ODAD2: variants seen among roughly 807,000 people sequenced by gnomAD.
The protein encoded by ODAD2 is outer dynein arm-docking complex subunit 2.
In ODAD2, 89 loss-of-function variants were observed where a neutral mutation model predicts 106.8. That is an observed-to-expected ratio of 0.83 (90% CI 0.70 to 0.99). The LOEUF is 0.99. ODAD2 is among the 50% of genes least tolerant of loss of function. The probability of loss-of-function intolerance (pLI) is 0.00; values close to 1 mark genes in which losing one functional copy is unlikely to be tolerated. For missense variants in ODAD2, 1,168 were observed against 1,238.5 expected (o/e 0.94, Z 0.85); for synonymous variants, 404 against 436.2 (o/e 0.93, Z 0.92).
chr10:27,886,615 A>G (rs1377211987), intron 17 of ODAD2, among the ~76,000 whole-genome samples: 2 of 152,106 alleles, frequency 1.3e-5, no homozygotes, highest in Non-Finnish European at 2.9e-5. Flanking sequence ...AAATAAAAAT[A>G]ACAGTATTAC....
intron 2 of ODAD2, among the ~76,000 whole-genome samples, chr10:27,992,068 C>A (rs1850267706): frequency 6.6e-6 from 1 of 152,094 alleles, no homozygotes. Context: ...GGGGAGTAGA[C>A]CAAGGGGCAC....
intron 12 of ODAD2, among the ~76,000 whole-genome samples, chr10:27,942,890 C>T (rs1846558683): frequency 6.6e-6 from 1 of 152,182 alleles, no homozygotes; most frequent in Non-Finnish European, 1.5e-5. Context: ...ATTTATAGTG[C>T]TTTACAGATG....
chr10:27,912,317 A>T (rs1302719914), intron 16 of ODAD2, among the ~76,000 whole-genome samples: 4 of 152,172 alleles, frequency 2.6e-5, no homozygotes, highest in Non-Finnish European at 5.9e-5. Context: ...TGCTTTCAAG[A>T]TCTTCAGTTT....
intron 19 of ODAD2, among the ~76,000 whole-genome samples, chr10:27,842,147 C>T (rs925555940): frequency 2.6e-5 from 4 of 152,150 alleles, no homozygotes; most frequent in Middle Eastern, 3.2e-3. Flanking sequence ...CTTCATTTGA[C>T]CCCCTTTGTT....
At chr10:27,897,616 A>G (rs1450253053) in intron 17 of ODAD2, among the ~76,000 whole-genome samples, 1 of 152,048 alleles carries the variant, frequency 6.6e-6, no homozygotes, top group Non-Finnish European at 1.5e-5. Context: ...CCATTCTTAC[A>G]TGGTTTATTT....
At chr10:27,882,129 T>C (rs1451282347) in intron 17 of ODAD2, among the ~76,000 whole-genome samples, 2 of 145,984 alleles carry the variant, frequency 1.4e-5, no homozygotes, top group Admixed American at 7.0e-5. Context: ...CAATTCCCCA[T>C]AGCACTCCAG....
intron 17 of ODAD2, among the ~76,000 whole-genome samples, chr10:27,870,043 T>C (rs1257899626): frequency 2.0e-5 from 3 of 151,968 alleles, no homozygotes; most frequent in Non-Finnish European, 4.4e-5. Context: ...ACATGGGAGA[T>C]TTCCAGGAAT....
chr10:27,824,138 CAAAAAAAAAAAAAAAA>C (rs71388934), intron 19 of ODAD2, among the ~76,000 whole-genome samples: 1 of 33,128 alleles, frequency 3.0e-5, no homozygotes, highest in African/African-American at 1.3e-4. Context: ...GACTCCGTCT[CAAAAAAAAAAAAAAAA>C]AAAAAAAAAA....
chr10:27,970,647 A>C (rs2368286), intron 8 of ODAD2, among the ~76,000 whole-genome samples: 31,406 of 152,028 alleles, frequency 0.21, 4,527 homozygotes, highest in East Asian at 0.39. Context: ...ATGTAAATAT[A>C]TATTCAATAT....
intron 16 of ODAD2, among the ~76,000 whole-genome samples, chr10:27,933,392 G>A (rs1267501063): frequency 6.6e-6 from 1 of 152,164 alleles, no homozygotes; most frequent in African/African-American, 2.4e-5. Flanking sequence ...GTATTAAAAT[G>A]GATTTTAGCA....
intron 17 of ODAD2, among the ~76,000 whole-genome samples, chr10:27,868,157 G>A (rs374283436): frequency 6.6e-6 from 1 of 152,090 alleles, no homozygotes. Flanking sequence ...TGAGAATGAC[G>A]ATCATTAAAA....
At chr10:27,990,114 T>C (rs971762256) in intron 2 of ODAD2, among the ~76,000 whole-genome samples, 4 of 152,066 alleles carry the variant, frequency 2.6e-5, no homozygotes, top group African/African-American at 9.7e-5. Flanking sequence ...AGCAGAAAAG[T>C]GTCTTTTTTC....
chr10:27,859,246 A>G (rs1839874036), intron 19 of ODAD2, among the ~76,000 whole-genome samples: 1 of 149,798 alleles, frequency 6.7e-6, no homozygotes, highest in South Asian at 2.1e-4. Flanking sequence ...ACTTTTAAAC[A>G]TTGTTACTTA....
intron 16 of ODAD2, among the ~76,000 whole-genome samples, chr10:27,931,891 G>T (rs1254446243): frequency 6.6e-6 from 1 of 151,544 alleles, no homozygotes; most frequent in African/African-American, 2.4e-5. Flanking sequence ...TCACAATGGG[G>T]TTATGTCCCG....
intron 19 of ODAD2, among the ~76,000 whole-genome samples, chr10:27,859,691 T>A (rs1313639866): frequency 6.6e-6 from 1 of 152,242 alleles, no homozygotes; most frequent in South Asian, 2.1e-4. Context: ...ATATTTTAAA[T>A]CAATTTTTCC....
intron 7 of ODAD2, among the ~76,000 whole-genome samples, chr10:27,975,313 C>A (rs1173546646): frequency 6.6e-6 from 1 of 151,782 alleles, no homozygotes; most frequent in African/African-American, 2.4e-5. Flanking sequence ...GACATAAGCA[C>A]CAAAGTAAAG....
At chr10:27,993,476 C>T (rs1450269844) in intron 2 of ODAD2, among the ~76,000 whole-genome samples, 3 of 151,952 alleles carry the variant, frequency 2.0e-5, no homozygotes, top group Non-Finnish European at 2.9e-5. Flanking sequence ...ATGGGGAAAC[C>T]CCGTCTCTAC....
At chr10:27,959,673 AT>A (rs1456711154) in intron 10 of ODAD2, among the ~76,000 whole-genome samples, 3 of 152,288 alleles carry the variant, frequency 2.0e-5, no homozygotes, top group Admixed American at 2.0e-4. Flanking sequence ...GGAATATGCA[AT>A]CAAAATTCCT....
rs1849778647 is a variant in ODAD2, at chr10:27,984,916, A to T, written c.575+103T>A. 1.6e-5 allele frequency: 8 copies of T among 495,102 alleles called. No homozygotes were observed. The South Asian group carries it at 5.2e-4, about 32-fold the overall frequency. 30.7% of individuals were successfully genotyped at this position (495,102 alleles called of 1,614,324 possible). ...ATTGTAATATTTTATTATTTATTTA[A>T]CTATCTATTTTGAGACAGAGTCTTG... On this transcript the variant is annotated intron_variant, in intron 4 of 19. Transcript: ENST00000305242.
Sources: gnomAD v4.1 joint callset for allele counts (sites outside exome capture counted in the v4.1 genomes callset) on GRCh38, gnomAD v4.1.1 for gene constraint, MANE v1.5 for transcripts, NCBI Gene and HGNC (gene_info 2026-07-23, HGNC 2026-07-21) for gene names.